KIF13A: variants seen among roughly 807,000 people sequenced by gnomAD.
KIF13A encodes the protein kinesin family member 13A, also known as kinesin-like protein KIF13A.
In KIF13A, 79 loss-of-function variants were observed where a neutral mutation model predicts 212.2. That is an observed-to-expected ratio of 0.37 (90% CI 0.31 to 0.45). The LOEUF is 0.45. KIF13A is among the 20% of genes least tolerant of loss of function. KIF13A has a pLI of 1.00. For missense variants in KIF13A, 1,901 were observed against 2,209.0 expected (o/e 0.86, Z 2.79); for synonymous variants, 789 against 808.6 (o/e 0.98, Z 0.41).
chr6:17,830,998 A>G, intron 13 of KIF13A, 103 bp downstream of exon 13: 1 of 1,071,406 alleles, frequency 9.3e-7, no homozygotes, highest in Non-Finnish European at 1.4e-6. Context: ...CTGAGGGCTA[A>G]GCTGGATACA....
At chr6:17,853,124 T>A (rs1767819106) in intron 6 of KIF13A, among the ~76,000 whole-genome samples, 1 of 152,212 alleles carries the variant, frequency 6.6e-6, no homozygotes, top group Admixed American at 6.5e-5. Flanking sequence ...ACTGAATGCA[T>A]CCCAAAGTCC....
intron 2 of KIF13A, among the ~76,000 whole-genome samples, chr6:17,966,937 G>C (rs1779381178): frequency 6.6e-6 from 1 of 152,194 alleles, no homozygotes; most frequent in South Asian, 2.1e-4. Context: ...GGAAGTGCAG[G>C]TCCAGGCTGA....
rs545892364 is a variant in KIF13A at position 17,838,785 on chromosome 6, T to G, written c.831-1202A>C. Reference sequence around the variant, plus strand: ...ATGGAGACTTGGAAGGGTGAGGGAGTGGAAGGGGAGAGGATGACGAGCTTA... The same window carrying G: ...ATGGAGACTTGGAAGGGTGAGGGAGGGGAAGGGGAGAGGATGACGAGCTTA... On this transcript the variant is annotated intron_variant, in intron 9 of 38. Coordinates refer to ENST00000259711, the MANE Select transcript of KIF13A (RefSeq NM_022113.6). This position sits in a 1 kb window ranked among gnomAD's most constrained non-coding sequence, Gnocchi z 4.2. Among the ~76,000 whole-genome samples, 5 of 150,814 alleles carry G rather than the reference T, an allele frequency of 3.3e-5. No homozygotes were observed. The South Asian group carries it at 1.1e-3, about 32-fold the overall frequency.
At chr6:17,946,076 T>G (rs1395951066) in intron 2 of KIF13A, among the ~76,000 whole-genome samples, 1 of 152,204 alleles carries the variant, frequency 6.6e-6, no homozygotes, top group Non-Finnish European at 1.5e-5. Flanking sequence ...AGAGTATTTG[T>G]ATGCGCTTAG....
Position 17,914,707 on chromosome 6 carries a change from C to G in KIF13A, c.147-16527G>C, listed in dbSNP as rs770312297. On this transcript the variant is annotated intron_variant, in intron 2 of 38. Coordinates refer to ENST00000259711, the MANE Select transcript of KIF13A (RefSeq NM_022113.6). This position sits in a 1 kb window ranked among gnomAD's most constrained non-coding sequence, Gnocchi z 5.9. ...GGGTCTCTGTAGGGTGTTCTCCAGGCCACCTCACAGAGCTCCTGCTGCTAA... is the reference window on the plus strand; with the variant it reads ...GGGTCTCTGTAGGGTGTTCTCCAGGGCACCTCACAGAGCTCCTGCTGCTAA... Among the ~76,000 whole-genome samples the G allele has an allele frequency of 7.2e-5, 11 of 152,160 alleles. No individual in the cohort carries two copies. Among genetic ancestry groups the G allele is most frequent in the Non-Finnish European group, 1.3e-4 (9 of 68,020 alleles).
rs10666115 is a variant in KIF13A at position 17,792,196 on chromosome 6, C to CAAAAAAA, written c.3222+2046_3222+2052dup. Among the ~76,000 whole-genome samples the CAAAAAAA allele has an allele frequency of 5.3e-5, 4 of 75,100 alleles. 1 individual carries two copies. The highest frequency in any genetic ancestry group is 1.1e-4 in the African/African-American group (2 of 18,198). 49.3% of individuals were successfully genotyped at this position (75,100 alleles called of 152,430 possible). A position where few individuals can be genotyped will look rare whatever the true frequency, so the allele number is the denominator to read the frequency against. Reference sequence around the variant, plus strand: ...CCAGCCTAGGGGACAGAGTGAGACTCAAAAAAAAAAAAAAAAAAAAAGCAG... The same window carrying CAAAAAAA: ...CCAGCCTAGGGGACAGAGTGAGACTCAAAAAAAAAAAAAAAAAAAAAAAAAAAAGCAG... On this transcript the variant is annotated intron_variant, in intron 25 of 38. Coordinates refer to ENST00000259711, the MANE Select transcript of KIF13A (RefSeq NM_022113.6).
downstream of KIF13A, among the ~76,000 whole-genome samples, chr6:17,761,999 C>T (rs1460164975): frequency 6.6e-6 from 1 of 152,076 alleles, no homozygotes; most frequent in Non-Finnish European, 1.5e-5. Context: ...CTGCTGCACA[C>T]TGTATAAAGC....
rs577035379 is a variant in KIF13A, at chr6:17,914,321, G to A, written c.147-16141C>T. Among the ~76,000 whole-genome samples the A allele has an allele frequency of 2.8e-4, 42 of 152,160 alleles. No homozygotes were observed. The South Asian group carries it at 8.3e-3, about 30-fold the overall frequency. ...GAAAGTCTTTAAAATATGCTGCCCA[G>A]AAGCTGAGTAGAATTAATTCAGAAT... is the stretch of plus-strand genomic sequence containing the variant. On this transcript the variant is annotated intron_variant, in intron 2 of 38. Transcript: ENST00000259711. This position sits in a 1 kb window ranked among gnomAD's most constrained non-coding sequence, Gnocchi z 5.9.
chr6:17,958,876 C>CTTTTTTTTT (rs398000716), intron 2 of KIF13A, among the ~76,000 whole-genome samples: 2 of 83,082 alleles, frequency 2.4e-5, no homozygotes, highest in African/African-American at 4.7e-5. Context: ...TTTTCTTTTT[C>CTTTTTTTTT]TTTTTTTTTT....
Position 17,920,530 on chromosome 6 carries a change from T to C in KIF13A, c.147-22350A>G, listed in dbSNP as rs74337042. 7.3e-3 allele frequency among the ~76,000 whole-genome samples: 1,108 copies of C among 152,318 alleles called. 19 individuals carry two copies. The highest frequency in any genetic ancestry group is 0.025 in the African/African-American group (1,040 of 41,566). ...GAATATCCTTTCAAAGCTGAGACCT[T>C]ATTCTTTTCATCAATTTACAAAACT... On this transcript the variant is annotated intron_variant, in intron 2 of 38. Transcript: ENST00000259711.
At position 17,785,462 on chromosome 6, in the gene KIF13A, C is replaced by A; in HGVS notation, c.3488+53G>T. 7 of 1,451,892 alleles carry A rather than the reference C, an allele frequency of 4.8e-6. No homozygotes were observed. The highest frequency in any genetic ancestry group is 6.3e-6 in the Non-Finnish European group (7 of 1,103,304). The allele number at this position is 1,451,892 out of a possible 1,614,324, so 89.9% of individuals were successfully genotyped here. A position where few individuals can be genotyped will look rare whatever the true frequency, so the allele number is the denominator to read the frequency against. On this transcript the variant is annotated intron_variant, in intron 28 of 38. Coordinates refer to ENST00000259711, the MANE Select transcript of KIF13A (RefSeq NM_022113.6). This position sits in a 1 kb window ranked among gnomAD's most constrained non-coding sequence, Gnocchi z 5.8. ...AAAGTCTCTTGCATGGCTCTTGCCA[C>A]AGGCGACCTGTACCATCTCCCCAGG... is the stretch of plus-strand genomic sequence containing the variant.
chr6:17,841,424 A>T (rs1766497032), intron 9 of KIF13A, among the ~76,000 whole-genome samples: 1 of 152,182 alleles, frequency 6.6e-6, no homozygotes, highest in South Asian at 2.1e-4. Context: ...CCCATGCATA[A>T]GCAAGATGCA....
At position 17,805,455 on chromosome 6, in the gene KIF13A, T is replaced by C; in HGVS notation, c.2304+20A>G. 6.2e-7 allele frequency: 1 copy of C among 1,605,554 alleles called. No individual in the cohort carries two copies. The highest frequency in any genetic ancestry group is 8.5e-7 in the Non-Finnish European group (1 of 1,173,850). Reference sequence around the variant, plus strand: ...TGTTTTTAACATAACAAAATCTCCATTACATTTTGTCTCTTTTACCTCAGG... The same window carrying C: ...TGTTTTTAACATAACAAAATCTCCACTACATTTTGTCTCTTTTACCTCAGG... On this transcript the variant is annotated intron_variant, in intron 19 of 38. Coordinates refer to ENST00000259711, the MANE Select transcript of KIF13A (RefSeq NM_022113.6).
downstream of KIF13A, chr6:17,760,762 G>A (rs181523053): frequency 2.2e-3 from 2,814 of 1,292,184 alleles, 6 homozygotes; most frequent in Middle Eastern, 2.6e-3. Context: ...CCAGCCAGGC[G>A]GCAGCATGTT....
At chr6:17,977,159 A>T (rs905412428) in intron 2 of KIF13A, among the ~76,000 whole-genome samples, 1 of 149,890 alleles carries the variant, frequency 6.7e-6, no homozygotes. Flanking sequence ...CCCAGGCTCC[A>T]CCCTAGACCT....
At position 17,785,702 on chromosome 6, in the gene KIF13A, C is replaced by T. The variant is rs1456209834; in HGVS notation, c.3362-61G>A. The T allele has an allele frequency of 7.8e-6, 12 of 1,544,722 alleles. No individual in the cohort carries two copies. Among genetic ancestry groups the T allele is most frequent in the African/African-American group, 5.5e-5 (4 of 72,960 alleles). On this transcript the variant is annotated intron_variant, in intron 27 of 38. Coordinates refer to ENST00000259711, the MANE Select transcript of KIF13A (RefSeq NM_022113.6). This position sits in a 1 kb window ranked among gnomAD's most constrained non-coding sequence, Gnocchi z 5.8. ...AGAGAAAGTATGACTTCTCAGTTTACAAGGAATAGATTTCAGCCTGGGCAA... is the reference window on the plus strand; with the variant it reads ...AGAGAAAGTATGACTTCTCAGTTTATAAGGAATAGATTTCAGCCTGGGCAA...
At chr6:17,781,432 T>C (rs1760567356) in intron 29 of KIF13A, 131 bp from the exon 30 acceptor site, 1 of 920,922 alleles carries the variant, frequency 1.1e-6, no homozygotes, top group African/African-American at 1.7e-5. Flanking sequence ...CTTTCATTCC[T>C]TATTCTGCAG....
intron 9 of KIF13A, among the ~76,000 whole-genome samples, chr6:17,845,059 C>T (rs1331414259): frequency 6.6e-6 from 1 of 152,118 alleles, no homozygotes. Flanking sequence ...TTCCACGTGG[C>T]TGGGGAGGCC....
rs181889999 is a variant in KIF13A at position 17,964,141 on chromosome 6, C to T, written c.146+22913G>A. Among the ~76,000 whole-genome samples, 140 of 152,132 alleles carry T rather than the reference C, an allele frequency of 9.2e-4. 2 individuals carry two copies. Among genetic ancestry groups the T allele is most frequent in the African/African-American group, 3.2e-3 (133 of 41,502 alleles). On this transcript the variant is annotated intron_variant, in intron 2 of 38. Transcript: ENST00000259711. Reference sequence around the variant, plus strand: ...TCTGAACACCCACACCCACACACACCCACACCTCTCAATAAGGTTAATTTT... The same window carrying T: ...TCTGAACACCCACACCCACACACACTCACACCTCTCAATAAGGTTAATTTT...
Sources: allele counts gnomAD v4.1 joint callset (sites outside exome capture counted in the v4.1 genomes callset), GRCh38; gene constraint gnomAD v4.1.1; non-coding constraint Gnocchi (gnomAD v3.1); transcripts MANE v1.5; gene names NCBI Gene and HGNC (gene_info 2026-07-23, HGNC 2026-07-21).